The following PRKACB variants were observed in gnomAD, a reference collection of about 807,000 sequenced individuals.
The protein encoded by PRKACB is cAMP-dependent protein kinase catalytic subunit beta.
PRKACB carries 16 observed loss-of-function variants against 51.4 expected under a neutral mutation model. That is an observed-to-expected ratio of 0.31 (90% CI 0.21 to 0.47). The LOEUF is 0.47. Ranked by LOEUF, PRKACB falls within the 20% of genes least tolerant of loss-of-function variation. The pLI is 1.00. For missense variants in PRKACB, 309 were observed against 464.5 expected, an observed-to-expected ratio of 0.67 and a Z score of 3.08; for synonymous variants, 147 against 154.4, an observed-to-expected ratio of 0.95 and a Z score of 0.35.
intron 7 of PRKACB, among the ~76,000 whole-genome samples, chr1:84,199,292 C>T (rs1669358998): frequency 6.6e-6 from 1 of 151,992 alleles, no homozygotes; most frequent in Middle Eastern, 3.4e-3. Flanking sequence ...TTCTTATCCT[C>T]TCCCTCCTCC....
chr1:84,235,418 G>T lies in PRKACB; in HGVS notation c.*113G>T. 1.4e-6 allele frequency: 2 copies of T among 1,387,564 alleles called. No homozygotes were observed. The highest frequency in any genetic ancestry group is 2.0e-6 in the Non-Finnish European group (2 of 1,004,370). 86.0% of individuals were successfully genotyped at this position (1,387,564 alleles called of 1,614,324 possible). A position where few individuals can be genotyped will look rare whatever the true frequency, so the allele number is the denominator to read the frequency against. On this transcript the variant is annotated 3_prime_UTR_variant, in exon 10 of 10. Transcript: ENST00000370685. The stretch of plus-strand genomic sequence containing the variant: ...AGTTACCTAGTTCCTTCATTCCAAC[G>T]ACTGAGTGAGGTCTTTATTGCCATC...
chr1:84,160,792 T>C (rs1656083371), intron 1 of PRKACB, among the ~76,000 whole-genome samples: 1 of 151,542 alleles, frequency 6.6e-6, no homozygotes, highest in Non-Finnish European at 1.5e-5. Context: ...TTTCTAAAAT[T>C]TCTTTCTGTT....
intron 1 of PRKACB, among the ~76,000 whole-genome samples, chr1:84,109,650 G>C (rs1650058312): frequency 6.6e-6 from 1 of 151,808 alleles, no homozygotes; most frequent in African/African-American, 2.4e-5. Flanking sequence ...GAAACATTAT[G>C]AAAATGAGTT....
At position 84,199,605 on chromosome 1, in the gene PRKACB, A is replaced by G. The variant is rs762117832; in HGVS notation, c.783+1781A>G. Among the ~76,000 whole-genome samples the G allele has an allele frequency of 5.9e-5, 9 of 152,288 alleles. No homozygotes were observed. The East Asian group carries it at 9.7e-4, about 16-fold the overall frequency. Reference sequence around the variant, plus strand: ...CTTTGCTTTTGTGAATAGTGCCACAATGAATAAACAAATGCATGTGTCTTT... The same window carrying G: ...CTTTGCTTTTGTGAATAGTGCCACAGTGAATAAACAAATGCATGTGTCTTT... On this transcript the variant is annotated intron_variant, in intron 7 of 9. Transcript: ENST00000370685.
intron 1 of PRKACB, among the ~76,000 whole-genome samples, chr1:84,102,840 G>C (rs995366132): frequency 1.7e-4 from 26 of 152,304 alleles, no homozygotes; most frequent in Admixed American, 5.9e-4. Context: ...AGGAATGAGT[G>C]ACATGTGCCC....
At chr1:84,170,716 T>C (rs375681005) in intron 1 of PRKACB, among the ~76,000 whole-genome samples, 34 of 151,722 alleles carry the variant, frequency 2.2e-4, no homozygotes, top group African/African-American at 7.7e-4. Context: ...GATTAGAACC[T>C]GCCAATAATG....
chr1:84,232,674 T>C (rs369558861), intron 9 of PRKACB, among the ~76,000 whole-genome samples: 1 of 151,844 alleles, frequency 6.6e-6, no homozygotes, highest in African/African-American at 2.4e-5. Flanking sequence ...TAATGGCCTT[T>C]TTTGACTCTT....
At chr1:84,211,731 T>C (rs1439656100) in intron 8 of PRKACB, among the ~76,000 whole-genome samples, 5 of 152,172 alleles carry the variant, frequency 3.3e-5, no homozygotes, top group African/African-American at 1.2e-4. Context: ...ATAATTTCTG[T>C]AGGTCTCAAT....
rs922627667 is a variant in PRKACB at position 84,179,032 on chromosome 1, A to G, written c.188-145A>G. The G allele has an allele frequency of 4.2e-6, 4 of 942,474 alleles. No homozygotes were observed. In the African/African-American group the frequency reaches 6.8e-5, roughly 16 times the overall value. The allele number at this position is 942,474 out of a possible 1,614,324, so 58.4% of individuals were successfully genotyped here. A position where few individuals can be genotyped will look rare whatever the true frequency, so the allele number is the denominator to read the frequency against. On this transcript the variant is annotated intron_variant, in intron 1 of 9. Transcript: ENST00000370685. ...CTTAGAGATACTAAATAGCTCTTTAATGTATCATGGTGATAAATATACATT... is the reference window on the plus strand; with the variant it reads ...CTTAGAGATACTAAATAGCTCTTTAGTGTATCATGGTGATAAATATACATT...
intron 1 of PRKACB, among the ~76,000 whole-genome samples, chr1:84,137,860 G>C (rs913754250): frequency 6.6e-6 from 1 of 152,162 alleles, no homozygotes; most frequent in Non-Finnish European, 1.5e-5. Context: ...AGATAAGCAA[G>C]GGGAGGCAGC....
chr1:84,182,881 T>C (rs1663969717), intron 3 of PRKACB, among the ~76,000 whole-genome samples: 1 of 152,078 alleles, frequency 6.6e-6, no homozygotes, highest in African/African-American at 2.4e-5. Context: ...GTTTTGTAAC[T>C]ATTACAGAAG....
At chr1:84,154,076 G>T (rs758402532) in intron 1 of PRKACB, among the ~76,000 whole-genome samples, 1 of 152,086 alleles carries the variant, frequency 6.6e-6, no homozygotes, top group Non-Finnish European at 1.5e-5. Context: ...ACAGATGTGA[G>T]GTAGTAGCTC....
intron 1 of PRKACB, among the ~76,000 whole-genome samples, chr1:84,115,319 T>C (rs920111401): frequency 6.2e-4 from 94 of 152,166 alleles, no homozygotes; most frequent in African/African-American, 2.1e-3. Flanking sequence ...ACCTGTTGGC[T>C]GTCTTCTTTT....
At chr1:84,119,922 A>T (rs1650929335) in intron 1 of PRKACB, among the ~76,000 whole-genome samples, 1 of 152,040 alleles carries the variant, frequency 6.6e-6, no homozygotes, top group Admixed American at 6.6e-5. Flanking sequence ...TGTTTCCTAT[A>T]TTGGAATACT....
At chr1:84,226,215 C>G (rs1280883266) in intron 9 of PRKACB, among the ~76,000 whole-genome samples, 2 of 149,540 alleles carry the variant, frequency 1.3e-5, no homozygotes, top group Admixed American at 1.3e-4. Flanking sequence ...TCATCCTTAT[C>G]TCCTGTATGT....
intron 8 of PRKACB, among the ~76,000 whole-genome samples, chr1:84,210,583 C>T (rs1671980092): frequency 6.6e-6 from 1 of 152,116 alleles, no homozygotes. Context: ...AGTTTAGACT[C>T]AATTAAACTA....
chr1:84,199,420 G>T (rs552853250), intron 7 of PRKACB, among the ~76,000 whole-genome samples: 1 of 151,996 alleles, frequency 6.6e-6, no homozygotes, highest in Non-Finnish European at 1.5e-5. Flanking sequence ...TTTCTGTTCT[G>T]CATTAGTTTG....
chr1:84,205,953 T>C (rs1429042895), intron 8 of PRKACB, among the ~76,000 whole-genome samples: 1 of 152,170 alleles, frequency 6.6e-6, no homozygotes. Flanking sequence ...TGAGTTTCTG[T>C]ATGTAGTCTT....
intron 1 of PRKACB, among the ~76,000 whole-genome samples, chr1:84,087,313 G>A (rs1648093212): frequency 1.3e-5 from 2 of 152,146 alleles, no homozygotes; most frequent in African/African-American, 4.8e-5. Context: ...CAGAAAATCT[G>A]GGATTGCTCA....
Sources: allele counts gnomAD v4.1 joint callset (sites outside exome capture counted in the v4.1 genomes callset), GRCh38; gene constraint gnomAD v4.1.1; transcripts MANE v1.5; gene names NCBI Gene and HGNC (gene_info 2026-07-23, HGNC 2026-07-21).